Variants in GRID1 observed in about 807,000 individuals in gnomAD.
GRID1 encodes the protein glutamate ionotropic receptor delta type subunit 1, also known as glutamate receptor ionotropic, delta-1.
Under a neutral mutation model 98.0 loss-of-function variants are expected in GRID1, and 28 were observed. The ratio of observed to expected loss-of-function variants is 0.29; its 90% confidence interval spans 0.21 to 0.39. The LOEUF is 0.39. Ranked by LOEUF, GRID1 falls within the 10% of genes least tolerant of loss-of-function variation. The pLI, the probability that GRID1 is intolerant of heterozygous loss-of-function variation, is 1.00. For synonymous variants in GRID1, 553 were observed against 538.5 expected (o/e 1.03, Z -0.37); for missense variants, 1,111 against 1,340.5 (o/e 0.83, Z 2.67).
chr10:85,703,847 A>T (rs1841482427), intron 12 of GRID1, among the ~76,000 whole-genome samples: 2 of 152,100 alleles, frequency 1.3e-5, no homozygotes, highest in African/African-American at 4.8e-5. Flanking sequence ...ACAATTTGGC[A>T]TGTTTTTGCA....
At chr10:85,693,969 T>G (rs575839462) in intron 12 of GRID1, among the ~76,000 whole-genome samples, 2 of 152,250 alleles carry the variant, frequency 1.3e-5, no homozygotes, top group East Asian at 1.9e-4. Context: ...AAAGAAGTAG[T>G]CAACATTGTG....
At chr10:86,112,627 T>C (rs760431698) in intron 4 of GRID1, among the ~76,000 whole-genome samples, 48 of 152,186 alleles carry the variant, frequency 3.2e-4, no homozygotes, top group Admixed American at 8.5e-4. Flanking sequence ...GGGTTGTGAT[T>C]GTGGTGTCTG....
intron 4 of GRID1, among the ~76,000 whole-genome samples, chr10:85,999,707 AG>A (rs1364060557): frequency 6.6e-6 from 1 of 152,244 alleles, no homozygotes; most frequent in African/African-American, 2.4e-5. Context: ...AATAGTCTAA[AG>A]AAAAAAACCA....
intron 4 of GRID1, among the ~76,000 whole-genome samples, chr10:85,958,332 C>T (rs1267601885): frequency 2.0e-5 from 3 of 152,244 alleles, no homozygotes; most frequent in Non-Finnish European, 2.9e-5. Context: ...CATATGAACA[C>T]ACTAAACAAT....
intron 3 of GRID1, among the ~76,000 whole-genome samples, chr10:86,202,383 T>G (rs1460652694): frequency 6.6e-6 from 1 of 152,258 alleles, no homozygotes; most frequent in Non-Finnish European, 1.5e-5. Flanking sequence ...CCAAATTTAT[T>G]CACTAGAGGG....
chr10:85,723,919 C>A (rs950705945), intron 11 of GRID1, among the ~76,000 whole-genome samples: 1 of 152,120 alleles, frequency 6.6e-6, no homozygotes, highest in African/African-American at 2.4e-5. Flanking sequence ...CCATCCAGAC[C>A]CCTCAGAGGT....
At chr10:86,352,487 T>C (rs1848476773) in intron 2 of GRID1, among the ~76,000 whole-genome samples, 1 of 152,086 alleles carries the variant, frequency 6.6e-6, no homozygotes, top group Non-Finnish European at 1.5e-5. Flanking sequence ...TGGTTCCTGA[T>C]GAGGGCTGTC....
At chr10:86,003,502 G>A (rs1842824227) in intron 4 of GRID1, among the ~76,000 whole-genome samples, 1 of 152,240 alleles carries the variant, frequency 6.6e-6, no homozygotes, top group South Asian at 2.1e-4. Context: ...CCAGACTCCT[G>A]AGAGCTCAGG....
At chr10:85,946,376 T>C (rs1189548643) in intron 4 of GRID1, among the ~76,000 whole-genome samples, 1 of 152,226 alleles carries the variant, frequency 6.6e-6, no homozygotes, top group Non-Finnish European at 1.5e-5. Context: ...GTCCACTCCA[T>C]TCGACCCAAG....
At chr10:85,965,142 T>C (rs1842320485) in intron 4 of GRID1, among the ~76,000 whole-genome samples, 1 of 152,148 alleles carries the variant, frequency 6.6e-6, no homozygotes, top group Non-Finnish European at 1.5e-5. Context: ...AAACAACAGG[T>C]GCTGGAGAGG....
In GRID1 at chr10:85,928,657, G is replaced by A. The variant is rs1340493605; in HGVS notation, c.727-12418C>T. Among the ~76,000 whole-genome samples the A allele has an allele frequency of 2.6e-5, 4 of 152,186 alleles. No individual in the cohort carries two copies. In the East Asian group the frequency reaches 5.8e-4, roughly 22 times the overall value. On this transcript the variant is annotated intron_variant, in intron 4 of 15. Transcript: ENST00000327946. ...TCACATCCAGCTGCCCCACTTTCAA[G>A]CCCCAGGGATGTATTTTTAAAATAA...
chr10:85,710,820 C>T (rs1012902380), intron 12 of GRID1, among the ~76,000 whole-genome samples: 1 of 151,940 alleles, frequency 6.6e-6, no homozygotes, highest in Non-Finnish European at 1.5e-5. Flanking sequence ...TAACATTTCT[C>T]CAAAGGAGAT....
rs56159824 is a variant in GRID1, at chr10:85,809,123, G to T, written c.1233+45373C>A. 7.8e-3 allele frequency among the ~76,000 whole-genome samples: 1,186 copies of T among 151,762 alleles called. 37 individuals are homozygous for T. The East Asian group carries it at 0.1, about 13-fold the overall frequency. On this transcript the variant is annotated intron_variant, in intron 8 of 15. Transcript: ENST00000327946. ...ATATTCACTAAATCAGAATAAAATG[G>T]ACCGGACACAGCAGAAGACGTGACT...
intron 2 of GRID1, among the ~76,000 whole-genome samples, chr10:86,324,964 A>G (rs1848026841): frequency 1.3e-5 from 2 of 152,196 alleles, no homozygotes; most frequent in South Asian, 4.1e-4. Flanking sequence ...GGAAGCACTC[A>G]AAGGAACAGG....
At chr10:86,094,254 A>G (rs923902218) in intron 4 of GRID1, among the ~76,000 whole-genome samples, 1 of 152,238 alleles carries the variant, frequency 6.6e-6, no homozygotes, top group Admixed American at 6.5e-5. Context: ...TGAATGGGGA[A>G]AAGTTGAAAG....
chr10:85,889,234 C>T (rs1469575784), intron 5 of GRID1, among the ~76,000 whole-genome samples: 2 of 152,116 alleles, frequency 1.3e-5, no homozygotes, highest in Non-Finnish European at 2.9e-5. Context: ...CAGAGACATG[C>T]CCCTTTCTGC....
At chr10:85,776,739 G>T (rs1332836302) in intron 8 of GRID1, among the ~76,000 whole-genome samples, 1 of 152,186 alleles carries the variant, frequency 6.6e-6, no homozygotes, top group Non-Finnish European at 1.5e-5. Flanking sequence ...ACGCAGAGGA[G>T]GTTGGCCTGC....
At chr10:85,998,167 A>C (rs998138483) in intron 4 of GRID1, among the ~76,000 whole-genome samples, 1 of 152,210 alleles carries the variant, frequency 6.6e-6, no homozygotes, top group African/African-American at 2.4e-5. Flanking sequence ...CATTTATAGA[A>C]TACTTCACAC....
chr10:86,170,046 C>T (rs982783180), intron 3 of GRID1, among the ~76,000 whole-genome samples: 7 of 152,226 alleles, frequency 4.6e-5, no homozygotes, highest in East Asian at 1.9e-4. Flanking sequence ...CAGGCCTTTC[C>T]GCCCATCCTT....
Sources: allele counts gnomAD v4.1 joint callset (sites outside exome capture counted in the v4.1 genomes callset), GRCh38; gene constraint gnomAD v4.1.1; transcripts MANE v1.5; gene names NCBI Gene and HGNC (gene_info 2026-07-23, HGNC 2026-07-21).